The following DOP1A variants were observed in gnomAD, a reference collection of about 807,000 sequenced individuals.
DOP1A encodes the protein protein DOP1A.
Under a neutral mutation model 267.6 loss-of-function variants are expected in DOP1A, and 90 were observed. That is an observed-to-expected ratio of 0.34 (90% CI 0.28 to 0.40). DOP1A has a LOEUF of 0.40. Among genes scored for constraint, DOP1A ranks in the 10% least tolerant of loss-of-function variants. The pLI is 1.00. For missense variants in DOP1A, 2,437 were observed against 2,900.4 expected (o/e 0.84, Z 3.67); for synonymous variants, 932 against 999.1 (o/e 0.93, Z 1.27).
chr6:83,170,519 C>G (rs1562408580), downstream of DOP1A: 1 of 1,518,160 alleles, frequency 6.6e-7, no homozygotes, highest in East Asian at 2.3e-5. Flanking sequence ...TATTACACTT[C>G]CTTTCAGAAG....
At chr6:83,071,653 G>A (rs1785616890) in intron 1 of DOP1A, among the ~76,000 whole-genome samples, 1 of 152,050 alleles carries the variant, frequency 6.6e-6, no homozygotes, top group South Asian at 2.1e-4. Flanking sequence ...TGCAATAATT[G>A]AGAAACAAAG....
chr6:83,083,765 T>G (rs986642813), intron 1 of DOP1A, among the ~76,000 whole-genome samples: 1 of 152,204 alleles, frequency 6.6e-6, no homozygotes, highest in African/African-American at 2.4e-5. Context: ...GGTATGTGCT[T>G]AAGTGTTTAT....
At chr6:83,147,188 A>G (rs1780768171) in intron 25 of DOP1A, 48 bp from the exon 26 acceptor site, 4 of 991,898 alleles carry the variant, frequency 4.0e-6, no homozygotes, top group Non-Finnish European at 6.0e-6. Flanking sequence ...ATGAAAAAGC[A>G]AAGGCAGTAT....
rs1341692064 is a variant in DOP1A at position 83,110,237 on chromosome 6, T to C, written c.604T>C (p.Tyr202His). ...TGCTGTGCGTTTACCTGGAATCACGTATGTTCTTGCCCATTTAAACAGGAA... is the reference window on the plus strand; with the variant it reads ...TGCTGTGCGTTTACCTGGAATCACGCATGTTCTTGCCCATTTAAACAGGAA... Reference protein sequence around the residue: ...SPAVRLPGITYVLAHLNRKLS... With the variant: ...SPAVRLPGITHVLAHLNRKLS... The change falls in exon 6 of 39, where the codon TAT (tyrosine) becomes CAT (histidine). Residue 202 changes from tyrosine to histidine, a missense_variant. By Grantham distance (83) the Tyr-to-His change is moderately conservative. Coordinates refer to ENST00000349129, the MANE Select transcript of DOP1A (RefSeq NM_015018.4). 1.2e-6 allele frequency: 2 copies of C among 1,613,984 alleles called. No homozygotes were observed.
At chr6:83,164,712 A>C in intron 38 of DOP1A, 1 of 1,591,332 alleles carries the variant, frequency 6.3e-7, no homozygotes, top group Non-Finnish European at 8.6e-7. Context: ...GAGATGGCCA[A>C]GCATCAGGTG....
At chr6:83,081,059 C>A (rs1767989629) in intron 1 of DOP1A, among the ~76,000 whole-genome samples, 1 of 152,156 alleles carries the variant, frequency 6.6e-6, no homozygotes, top group Non-Finnish European at 1.5e-5. Flanking sequence ...AACAGACAGA[C>A]TGACTAATGG....
chr6:83,069,007 C>G (rs545977482), intron 1 of DOP1A, among the ~76,000 whole-genome samples: 25 of 152,252 alleles, frequency 1.6e-4, no homozygotes, highest in Non-Finnish European at 3.4e-4. Flanking sequence ...ACACCATAAC[C>G]CAAATCTTAA....
intron 3 of DOP1A, 32 bp downstream of exon 3, chr6:83,097,147 G>A: frequency 6.3e-7 from 1 of 1,594,356 alleles, no homozygotes; most frequent in Non-Finnish European, 8.5e-7. Flanking sequence ...CATAAAAGGA[G>A]TAAAAATTAG....
At position 83,145,672 on chromosome 6, in the gene DOP1A, C is replaced by T. The variant is rs1233937856; in HGVS notation, c.5676+14C>T. The T allele has an allele frequency of 6.2e-7, 1 of 1,607,708 alleles. No individual in the cohort carries two copies. The highest frequency in any genetic ancestry group is 1.7e-5 in the Admixed American group (1 of 58,688). On this transcript the variant is annotated intron_variant, in intron 25 of 38. Transcript: ENST00000349129. ...GCCAAGGACAAGGTAAGAAAAAACT[C>T]TTCTTCACATGTGTTTACAATTCTG...
intron 1 of DOP1A, chr6:83,072,945 CCTG>C (rs1785860565): frequency 2.9e-6 from 1 of 343,436 alleles, no homozygotes; most frequent in Non-Finnish European, 5.8e-6. Flanking sequence ...AGGTTTTTCT[CCTG>C]CTGGCCTGTG....
Position 83,155,503 on chromosome 6 carries a change from G to A in DOP1A, c.6452-448G>A, listed in dbSNP as rs544789139. Among the ~76,000 whole-genome samples, 296 of 152,170 alleles carry A rather than the reference G, an allele frequency of 1.9e-3. 3 individuals are homozygous for A. The highest frequency in any genetic ancestry group is 0.014 in the Middle Eastern group (4 of 294). On this transcript the variant is annotated intron_variant, in intron 33 of 38. Transcript: ENST00000349129. ...AAATTGCAAAGGTCTTGGGATGGGA[G>A]CACGCTTGGTGCACTGAGAGAATGA...
chr6:83,158,480 T>G (rs1317766093), intron 35 of DOP1A, 87 bp from the exon 36 acceptor site: 2 of 1,053,708 alleles, frequency 1.9e-6, no homozygotes, highest in Non-Finnish European at 2.8e-6. Flanking sequence ...AAATTTGTTT[T>G]TGCGTTAATG....
At chr6:83,093,259 A>G (rs1359438918) in intron 1 of DOP1A, among the ~76,000 whole-genome samples, 1 of 152,218 alleles carries the variant, frequency 6.6e-6, no homozygotes, top group African/African-American at 2.4e-5. Flanking sequence ...GTCAAATGAA[A>G]TCACATTTAA....
chr6:83,113,039 T>C lies in DOP1A; in HGVS notation c.682-284T>C, dbSNP rs1054733314. On this transcript the variant is annotated intron_variant, in intron 6 of 38. Coordinates refer to ENST00000349129, the MANE Select transcript of DOP1A (RefSeq NM_015018.4). The stretch of plus-strand genomic sequence containing the variant: ...ATGAAAAAGGCAGGTTTGGAATATA[T>C]ATATATATGGTGTTTTTCTTGTATT... 2.0e-5 allele frequency among the ~76,000 whole-genome samples: 3 copies of C among 152,234 alleles called. No homozygotes were observed. In the South Asian group the frequency reaches 6.2e-4, roughly 32 times the overall value.
At chr6:83,086,808 C>T (rs2128068992) in intron 1 of DOP1A, among the ~76,000 whole-genome samples, 1 of 152,150 alleles carries the variant, frequency 6.6e-6, no homozygotes, top group South Asian at 2.1e-4. Flanking sequence ...GAAAAAATAG[C>T]AAATATAGAG....
In DOP1A at chr6:83,125,480, C is replaced by T. The variant is rs9444038; in HGVS notation, c.1486-20C>T. ...GGTTCCACATTGTTTAAACTTTTTT[C>T]ATTTCACTTTTATTTTCAGGAGACT... On this transcript the variant is annotated intron_variant, in intron 14 of 38. Coordinates refer to ENST00000349129, the MANE Select transcript of DOP1A (RefSeq NM_015018.4). 14,973 of 1,601,456 alleles carry T rather than the reference C, an allele frequency of 9.3e-3. 490 individuals carry two copies. The highest frequency in any genetic ancestry group is 0.081 in the African/African-American group (5,987 of 74,268).
chr6:83,148,916 C>T (rs1781055725), intron 27 of DOP1A, 53 bp downstream of exon 27: 1 of 1,123,492 alleles, frequency 8.9e-7, no homozygotes, highest in African/African-American at 1.7e-5. Context: ...GTTAATTGTC[C>T]TAGTTGCCAA....
chr6:83,152,313 C>A lies in DOP1A; in HGVS notation c.6075C>A (p.Thr2025=). The change falls in exon 30 of 39, where the codon ACC becomes ACA. Residue 2025 remains threonine, a synonymous_variant. Transcript: ENST00000349129. ...ATATGTTATCACCTGCAATGGAAAC[C>A]GCAAACATAACTCCTTCTGTATATA... is the stretch of plus-strand genomic sequence containing the variant. The part of the protein sequence containing the change: ...VEDMLSPAME[T]ANITPSVYSV... The A allele has an allele frequency of 6.4e-7, 1 of 1,572,406 alleles. No homozygotes were observed. Among genetic ancestry groups the A allele is most frequent in the Non-Finnish European group, 8.6e-7 (1 of 1,161,570 alleles).
chr6:83,088,462 C>G (rs1411224733), intron 1 of DOP1A, among the ~76,000 whole-genome samples: 1 of 127,964 alleles, frequency 7.8e-6, no homozygotes, highest in East Asian at 2.3e-4. Context: ...CTCACTCTGT[C>G]CCCAGGCTGG....
Sources: allele counts gnomAD v4.1 joint callset (sites outside exome capture counted in the v4.1 genomes callset), GRCh38; gene constraint gnomAD v4.1.1; transcripts MANE v1.5; gene names NCBI Gene and HGNC (gene_info 2026-07-23, HGNC 2026-07-21).